DIAPH2: variants seen among roughly 807,000 people sequenced by gnomAD.
DIAPH2 encodes the protein diaphanous related formin 2.
DIAPH2 carries 35 observed loss-of-function variants against 92.7 expected under a neutral mutation model. The observed-to-expected ratio is 0.38, with a 90% CI of 0.29 to 0.50. DIAPH2 has a LOEUF of 0.50. Among genes scored for constraint, DIAPH2 ranks in the 20% least tolerant of loss-of-function variants. The pLI is 0.94. For synonymous variants in DIAPH2, 301 were observed against 280.4 expected (o/e 1.07, Z -0.73); for missense variants, 701 against 819.5 (o/e 0.86, Z 1.77).
At chrX:97,154,803 A>G (rs2067310449) in intron 22 of DIAPH2, among the ~76,000 whole-genome samples, 1 of 112,411 alleles carries the variant, frequency 8.9e-6, no homozygotes, top group African/African-American at 3.2e-5. Flanking sequence ...AAGTAAGTGT[A>G]TGCTTTAAAT....
intron 22 of DIAPH2, among the ~76,000 whole-genome samples, chrX:97,207,049 T>A (rs2067802744): frequency 9.0e-6 from 1 of 111,413 alleles, no homozygotes; most frequent in Non-Finnish European, 1.9e-5. Context: ...CTACTGCCAG[T>A]GTCATGGACC....
At chrX:97,012,477 T>A (rs1320365464) in intron 17 of DIAPH2, among the ~76,000 whole-genome samples, 1 of 112,261 alleles carries the variant, frequency 8.9e-6, no homozygotes, top group Non-Finnish European at 1.9e-5. Context: ...CTAGATTCTT[T>A]GTCCACATGT....
chrX:96,979,539 G>T (rs761337717), intron 17 of DIAPH2, among the ~76,000 whole-genome samples: 31 of 112,384 alleles, frequency 2.8e-4, no homozygotes, highest in Admixed American at 9.4e-4. Flanking sequence ...CATTTGGCTT[G>T]TATTTAGATG....
At chrX:97,298,238 T>G (rs2147622381) in intron 23 of DIAPH2, among the ~76,000 whole-genome samples, 1 of 105,211 alleles carries the variant, frequency 9.5e-6, no homozygotes, top group East Asian at 2.9e-4. Context: ...TTTCAGGTTT[T>G]TTTTTTTTTT....
chrX:97,261,369 G>A (rs748097464), intron 23 of DIAPH2, among the ~76,000 whole-genome samples: 25 of 111,754 alleles, frequency 2.2e-4, no homozygotes, highest in African/African-American at 7.8e-4. Flanking sequence ...CATTGTTTAT[G>A]TTTGCTTAAA....
intron 26 of DIAPH2, among the ~76,000 whole-genome samples, chrX:97,591,090 C>T (rs192032554): frequency 2.7e-4 from 30 of 111,675 alleles, no homozygotes; most frequent in African/African-American, 9.4e-4. Context: ...AAATAGGAAA[C>T]ATTTAGTCAT....
chrX:96,865,822 T>C (rs1452670633), intron 4 of DIAPH2, among the ~76,000 whole-genome samples: 1 of 112,449 alleles, frequency 8.9e-6, no homozygotes, highest in Non-Finnish European at 1.9e-5. Context: ...CACTCAAGAA[T>C]TGGATATTGT....
chrX:97,131,353 C>T (rs1432327407), intron 21 of DIAPH2, among the ~76,000 whole-genome samples: 1 of 111,703 alleles, frequency 9.0e-6, no homozygotes, highest in South Asian at 3.8e-4. Context: ...ATTCTAATTA[C>T]GCTTTTGTAA....
At chrX:97,208,252 T>C (rs764673759) in intron 22 of DIAPH2, among the ~76,000 whole-genome samples, 1 of 112,182 alleles carries the variant, frequency 8.9e-6, no homozygotes, top group Non-Finnish European at 1.9e-5. Flanking sequence ...TGTCCAATAC[T>C]GTAATAAGTG....
chrX:97,570,127 AAGATAGATAGAT>A (rs56210210), intron 26 of DIAPH2, among the ~76,000 whole-genome samples: 16 of 27,324 alleles, frequency 5.9e-4, no homozygotes, highest in Admixed American at 2.0e-3. Flanking sequence ...TATATATTAG[AAGATAGATAGAT>A]AGATAGATAG....
chrX:96,873,647 T>TACACACAC (rs3082738), intron 4 of DIAPH2, among the ~76,000 whole-genome samples: 15 of 95,890 alleles, frequency 1.6e-4, no homozygotes, highest in African/African-American at 5.4e-4. Flanking sequence ...CGTATATATA[T>TACACACAC]ACACACACAC....
intron 22 of DIAPH2, among the ~76,000 whole-genome samples, chrX:97,176,743 G>A (rs1010360821): frequency 9.0e-6 from 1 of 111,219 alleles, no homozygotes; most frequent in African/African-American, 3.3e-5. Flanking sequence ...TGGCCAGGAT[G>A]GTCTTGATCT....
chrX:96,834,083 A>G (rs1011821510), intron 4 of DIAPH2, among the ~76,000 whole-genome samples: 3 of 112,108 alleles, frequency 2.7e-5, no homozygotes, highest in Non-Finnish European at 3.8e-5. Context: ...TAGTATGTCA[A>G]GGAATGTTTC....
chrX:96,721,126 A>C (rs952910044), intron 1 of DIAPH2, among the ~76,000 whole-genome samples: 2 of 111,692 alleles, frequency 1.8e-5, no homozygotes, highest in Non-Finnish European at 3.8e-5. Context: ...TGAGGGATTA[A>C]GTTAATATAC....
intron 22 of DIAPH2, among the ~76,000 whole-genome samples, chrX:97,244,662 A>G (rs898003441): frequency 1.8e-5 from 2 of 112,079 alleles, no homozygotes; most frequent in Non-Finnish European, 3.8e-5. Context: ...GTGGAAAAAT[A>G]TGATAGGGAG....
chrX:97,317,249 TTGTC>T (rs772675693), intron 23 of DIAPH2, among the ~76,000 whole-genome samples: 59 of 111,853 alleles, frequency 5.3e-4, no homozygotes, highest in African/African-American at 1.9e-3. Context: ...AATCCATTGT[TTGTC>T]TGTGGTTCTT....
intron 26 of DIAPH2, among the ~76,000 whole-genome samples, chrX:97,481,937 G>A (rs1337249738): frequency 8.9e-6 from 1 of 111,873 alleles, no homozygotes; most frequent in Admixed American, 9.5e-5. Context: ...GGTTAACAGT[G>A]GTTGGCATAA....
At chrX:96,906,701 A>G (rs1007392404) in intron 5 of DIAPH2, among the ~76,000 whole-genome samples, 11 of 112,306 alleles carry the variant, frequency 9.8e-5, no homozygotes, top group Non-Finnish European at 3.8e-5. Context: ...CCATGCAGCT[A>G]TGTGGCCCCA....
At chrX:96,737,327 A>G (rs749571471) in intron 2 of DIAPH2, among the ~76,000 whole-genome samples, 2 of 112,458 alleles carry the variant, frequency 1.8e-5, no homozygotes, top group African/African-American at 6.4e-5. Context: ...TGGTTTTAAA[A>G]AAGTGTTCTT....
Sources: gnomAD v4.1 joint callset for allele counts (sites outside exome capture counted in the v4.1 genomes callset) on GRCh38, gnomAD v4.1.1 for gene constraint, MANE v1.5 for transcripts, NCBI Gene and HGNC (gene_info 2026-07-23, HGNC 2026-07-21) for gene names.